CRHR2: variants seen among roughly 807,000 people sequenced by gnomAD.
The protein encoded by CRHR2 is corticotropin releasing hormone receptor 2.
In CRHR2, 53 loss-of-function variants were observed where a neutral mutation model predicts 57.9. That is an observed-to-expected ratio of 0.92 (90% CI 0.73 to 1.15). CRHR2 has a LOEUF of 1.15. Among genes scored for constraint, CRHR2 ranks in the 50% most tolerant of loss-of-function variants. The pLI, the probability that CRHR2 is intolerant of heterozygous loss-of-function variation, is 0.00. For missense variants in CRHR2, 532 were observed against 542.6 expected, an observed-to-expected ratio of 0.98 and a Z score of 0.19; for synonymous variants, 213 against 220.9, an observed-to-expected ratio of 0.96 and a Z score of 0.32.
intron 2 of CRHR2, among the ~76,000 whole-genome samples, chr7:30,688,140 G>A (rs903838038): frequency 6.6e-6 from 1 of 152,184 alleles, no homozygotes; most frequent in Non-Finnish European, 1.5e-5. Flanking sequence ...CAATAGGACT[G>A]GTGTTCTTAG....
chr7:30,685,172 C>A (rs1308205657), upstream of CRHR2, among the ~76,000 whole-genome samples: 9 of 152,184 alleles, frequency 5.9e-5, no homozygotes, highest in Admixed American at 5.2e-4. Context: ...TCCCATGGCC[C>A]ACCTCTGATG....
chr7:30,693,142 A>C (rs1784992656), intron 1 of CRHR2, among the ~76,000 whole-genome samples: 2 of 152,182 alleles, frequency 1.3e-5, no homozygotes, highest in Admixed American at 6.5e-5. Context: ...AGAGATGAGG[A>C]ATTATAAATA....
At position 30,665,133 on chromosome 7, in the gene CRHR2, G is replaced by C; in HGVS notation, c.480C>G (p.Ile160Met). The C allele has an allele frequency of 6.2e-7, 1 of 1,614,122 alleles. No individual in the cohort carries two copies. ...GCAGGAACCACATGACATTTCGCAGGATAAAGGTGGTGATGAGGTTCCAGT... is the reference window on the plus strand; with the variant it reads ...GCAGGAACCACATGACATTTCGCAGCATAAAGGTGGTGATGAGGTTCCAGT... ...VIHWNLITTF[I>M]LRNVMWFLLQ... Residue 160 changes from isoleucine to methionine, a missense_variant, in exon 5 of 12, where the codon ATC becomes ATG. By Grantham distance (10) the Ile-to-Met change is conservative (BLOSUM62 1). Transcript: ENST00000471646. This position sits in a 1 kb window ranked among gnomAD's most constrained non-coding sequence, Gnocchi z 4.5.
chr7:30,687,048 T>C (rs1784869629), upstream of CRHR2, among the ~76,000 whole-genome samples: 1 of 152,234 alleles, frequency 6.6e-6, no homozygotes, highest in Admixed American at 6.5e-5. Flanking sequence ...GAACATTCCC[T>C]TGACTATTGC....
In CRHR2 at chr7:30,653,442, A is replaced by G. The variant is rs564864801; in HGVS notation, c.*18T>C. ...GTGGAGGAGGACAGGGGAGCTGTGC[A>G]GGTGGGCGACCGAGGGGTCACACAG... is the stretch of plus-strand genomic sequence containing the variant. On this transcript the variant is annotated 3_prime_UTR_variant, in exon 12 of 12. Coordinates refer to ENST00000471646, the MANE Select transcript of CRHR2 (RefSeq NM_001883.5). This position sits in a 1 kb window ranked among gnomAD's most constrained non-coding sequence, Gnocchi z 5.0. 5.8e-5 allele frequency: 93 copies of G among 1,611,200 alleles called. No homozygotes were observed. Among genetic ancestry groups the G allele is most frequent in the Non-Finnish European group, 7.5e-5 (88 of 1,178,684 alleles).
At chr7:30,696,337 G>C (rs1237246283) in intron 1 of CRHR2, among the ~76,000 whole-genome samples, 5 of 152,196 alleles carry the variant, frequency 3.3e-5, no homozygotes, top group African/African-American at 1.2e-4. Context: ...CATTTTACAT[G>C]ATGTGATTTT....
At chr7:30,689,026 CTGCGTAAGGGCCCTCAGCAAGGCAGAAA>C (rs1485135452) in intron 2 of CRHR2, 1 of 695,432 alleles carries the variant, frequency 1.4e-6, no homozygotes, top group Admixed American at 2.1e-5. Flanking sequence ...GGGGAAGGGC[CTGCGTAAGGGCCCTCAGCAAGGCAGAAA>C]TCAAACCAGG....
chr7:30,652,596 G>T lies in CRHR2; in HGVS notation c.*864C>A, dbSNP rs985662975. The T allele has an allele frequency of 1.3e-5, 2 of 152,354 alleles. No individual in the cohort carries two copies. The highest frequency in any genetic ancestry group is 2.4e-5 in the African/African-American group (1 of 41,464). 9.4% of individuals were successfully genotyped at this position (152,354 alleles called of 1,614,324 possible). ...GGGGAGGCCACTTCCAAGAGGCATGGTTTATTTCACAGAGAGCAGAGATGT... is the reference window on the plus strand; with the variant it reads ...GGGGAGGCCACTTCCAAGAGGCATGTTTTATTTCACAGAGAGCAGAGATGT... On this transcript the variant is annotated 3_prime_UTR_variant, in exon 12 of 12. Coordinates refer to ENST00000471646, the MANE Select transcript of CRHR2 (RefSeq NM_001883.5). The surrounding 1 kb of genome is among the most constrained non-coding windows in gnomAD (Gnocchi z 4.4).
At chr7:30,693,449 G>A (rs1368009966) in intron 1 of CRHR2, among the ~76,000 whole-genome samples, 1 of 152,216 alleles carries the variant, frequency 6.6e-6, no homozygotes, top group East Asian at 1.9e-4. Flanking sequence ...GGTGCGGGGA[G>A]GGTGGCATCC....
intron 2 of CRHR2, among the ~76,000 whole-genome samples, chr7:30,676,864 C>G (rs1160557708): frequency 6.6e-6 from 1 of 152,246 alleles, no homozygotes; most frequent in South Asian, 2.1e-4. Flanking sequence ...GACCCCTAAC[C>G]TCCCCATGTG....
chr7:30,669,902 A>G (rs1291991833), intron 2 of CRHR2, among the ~76,000 whole-genome samples: 1 of 151,664 alleles, frequency 6.6e-6, no homozygotes, highest in Non-Finnish European at 1.5e-5. Flanking sequence ...CCACCACTTA[A>G]AGCACCTCCT....
rs539182277 is a variant in CRHR2, at chr7:30,665,422, C to T, written c.425+108G>A. The T allele has an allele frequency of 7.8e-6, 8 of 1,023,978 alleles. No homozygotes were observed. The East Asian group carries it at 2.1e-4, about 27-fold the overall frequency. 63.4% of individuals were successfully genotyped at this position (1,023,978 alleles called of 1,614,324 possible). On this transcript the variant is annotated intron_variant, in intron 4 of 11. Coordinates refer to ENST00000471646, the MANE Select transcript of CRHR2 (RefSeq NM_001883.5). The surrounding 1 kb of genome is among the most constrained non-coding windows in gnomAD (Gnocchi z 4.5). ...CCCAAACCCCACTTTCTCCACGGGC[C>T]CTTTTATCTGCTGGGCCCCAGAATG...
chr7:30,670,631 G>T (rs1784326968), intron 2 of CRHR2, among the ~76,000 whole-genome samples: 1 of 152,374 alleles, frequency 6.6e-6, no homozygotes, highest in South Asian at 2.1e-4. Flanking sequence ...GCTGTCTGCT[G>T]TGGCCAATGA....
At chr7:30,681,732 C>T (rs1784712339) in intron 2 of CRHR2, among the ~76,000 whole-genome samples, 183 bp downstream of exon 2, 1 of 152,224 alleles carries the variant, frequency 6.6e-6, no homozygotes, top group Admixed American at 6.5e-5. Context: ...AGATTAGACG[C>T]TGTATTGGGG....
rs1784154454 is a variant in CRHR2, at chr7:30,665,538, CA to C, written c.416del (p.Leu139ArgfsTer12). On this transcript the variant is annotated frameshift_variant, in exon 4 of 12. Coordinates refer to ENST00000471646, the MANE Select transcript of CRHR2 (RefSeq NM_001883.5). LOFTEE classifies it high-confidence loss of function. The surrounding 1 kb of genome is among the most constrained non-coding windows in gnomAD (Gnocchi z 4.5). ...CGGAAGGGCAGACTCACCGCAGGGC[CA>C]GGAAAAGCAGGAAGGCGGCCACCAG... ...AALVAAFLLF[L>X]ALRSIRCLRN... 1.3e-6 allele frequency: 2 copies of C among 1,558,540 alleles called. No homozygotes were observed. The highest frequency in any genetic ancestry group is 2.7e-5 in the African/African-American group (2 of 73,404).
chr7:30,677,055 GA>G (rs1422018926), intron 2 of CRHR2, among the ~76,000 whole-genome samples: 17 of 152,212 alleles, frequency 1.1e-4, no homozygotes, highest in Admixed American at 1.1e-3. Flanking sequence ...GAGGTGGCAA[GA>G]CCCTCCTTTG....
intron 1 of CRHR2, among the ~76,000 whole-genome samples, chr7:30,699,013 C>T (rs1785113985): frequency 6.6e-6 from 1 of 152,176 alleles, no homozygotes; most frequent in Non-Finnish European, 1.5e-5. Flanking sequence ...CGTATAGGGA[C>T]ACTAAGCCCC....
Position 30,665,330 on chromosome 7 carries a change from G to A in CRHR2, c.426-143C>T. The A allele has an allele frequency of 1.2e-6, 1 of 839,948 alleles. No homozygotes were observed. 52.0% of individuals were successfully genotyped at this position (839,948 alleles called of 1,614,324 possible). On this transcript the variant is annotated intron_variant, in intron 4 of 11. Transcript: ENST00000471646. The surrounding 1 kb of genome is among the most constrained non-coding windows in gnomAD (Gnocchi z 4.5). ...TTCCCACCCATGGTGGCCACAGTTG[G>A]GCCTCTGAGTCCAGCTCCCACTCTG...
intron 2 of CRHR2, among the ~76,000 whole-genome samples, chr7:30,679,126 A>C (rs1442598674): frequency 6.6e-6 from 1 of 152,168 alleles, no homozygotes; most frequent in East Asian, 1.9e-4. Context: ...CCCTCAGCCT[A>C]GAGGGCCTCT....
Sources: allele counts gnomAD v4.1 joint callset (sites outside exome capture counted in the v4.1 genomes callset), GRCh38; gene constraint gnomAD v4.1.1; non-coding constraint Gnocchi (gnomAD v3.1); transcripts MANE v1.5; gene names NCBI Gene and HGNC (gene_info 2026-07-23, HGNC 2026-07-21).